NAV2: variants seen among roughly 807,000 people sequenced by gnomAD.
NAV2 encodes neuron navigator 2.
In NAV2, 54 loss-of-function variants were observed where a neutral mutation model predicts 223.2. The observed-to-expected ratio is 0.24, with a 90% confidence interval of 0.19 to 0.30. NAV2 has a LOEUF of 0.30. Among genes scored for constraint, NAV2 ranks in the 10% least tolerant of loss-of-function variants. The probability of loss-of-function intolerance (pLI) is 1.00; values close to 1 mark genes in which losing one functional copy is unlikely to be tolerated. For missense variants in NAV2, 2,806 were observed against 3,147.5 expected (o/e 0.89, Z 2.60); for synonymous variants, 1,279 against 1,239.3 (o/e 1.03, Z -0.67).
chr11:19,961,035 CT>C (rs2048318620), intron 10 of NAV2, among the ~76,000 whole-genome samples: 3 of 152,166 alleles, frequency 2.0e-5, no homozygotes, highest in Admixed American at 2.0e-4. Flanking sequence ...CTGAGCCCCC[CT>C]GTTTTTCCTG....
intron 1 of NAV2, among the ~76,000 whole-genome samples, chr11:19,603,643 A>AG (rs972879859): frequency 6.6e-6 from 1 of 151,004 alleles, no homozygotes; most frequent in African/African-American, 2.5e-5. Context: ...AAAAAAAAAA[A>AG]AAAAAAGAAA....
chr11:19,961,379 C>T (rs911850266), intron 10 of NAV2, among the ~76,000 whole-genome samples: 4 of 152,080 alleles, frequency 2.6e-5, no homozygotes, highest in South Asian at 2.1e-4. Context: ...ATACCAAGTT[C>T]GAGTTGAGGT....
intron 1 of NAV2, among the ~76,000 whole-genome samples, chr11:19,563,591 G>T (rs2045171564): frequency 6.6e-6 from 1 of 152,192 alleles, no homozygotes; most frequent in Admixed American, 6.5e-5. Context: ...TCACCAATGT[G>T]CTTGTTAAAA....
chr11:19,358,075 T>A (rs375069548), intron 1 of NAV2, among the ~76,000 whole-genome samples: 1 of 152,180 alleles, frequency 6.6e-6, no homozygotes, highest in Admixed American at 6.5e-5. Flanking sequence ...GATTCTTCCA[T>A]GCCTGGGGTT....
intron 1 of NAV2, among the ~76,000 whole-genome samples, chr11:19,743,149 A>G (rs779386105): frequency 3.3e-5 from 5 of 152,150 alleles, no homozygotes; most frequent in Non-Finnish European, 7.4e-5. Flanking sequence ...CTTGTTTCTT[A>G]TCTAAAATGT....
chr11:19,670,421 C>A (rs1209201954), intron 1 of NAV2, among the ~76,000 whole-genome samples: 1 of 152,348 alleles, frequency 6.6e-6, no homozygotes, highest in African/African-American at 2.4e-5. Flanking sequence ...ACAAACAGTA[C>A]AGGCTCAACA....
At chr11:19,834,114 A>C (rs1222697328) in intron 2 of NAV2, among the ~76,000 whole-genome samples, 1 of 152,220 alleles carries the variant, frequency 6.6e-6, no homozygotes, top group Admixed American at 6.5e-5. Flanking sequence ...TGAATACCAA[A>C]GTGCAGGCAT....
Position 19,773,975 on chromosome 11 carries a change from G to A in NAV2, c.268-58509G>A, listed in dbSNP as rs1159475041. 2.6e-5 allele frequency among the ~76,000 whole-genome samples: 4 copies of A among 152,142 alleles called. No homozygotes were observed. The East Asian group carries it at 5.8e-4, about 22-fold the overall frequency. ...AATTAAGAATAGAGTGTCCTTTACA[G>A]CAATCTTGCTTGTCCCAGCCTACCA... is the stretch of plus-strand genomic sequence containing the variant. On this transcript the variant is annotated intron_variant, in intron 1 of 37. Transcript: ENST00000349880.
chr11:20,082,527 T>TC, intron 25 of NAV2: 1 of 1,560,110 alleles, frequency 6.4e-7, no homozygotes, highest in East Asian at 2.2e-5. Flanking sequence ...TCACTGGCTT[T>TC]CTCTGTTAAA....
At chr11:20,067,644 ATTTTTTT>A (rs11371990) in intron 20 of NAV2, among the ~76,000 whole-genome samples, 1 of 129,264 alleles carries the variant, frequency 7.7e-6, no homozygotes, top group Non-Finnish European at 1.6e-5. Context: ...CACCCGGCTA[ATTTTTTT>A]TTTTTTTTTT....
chr11:19,903,801 A>G (rs572943606), intron 6 of NAV2, among the ~76,000 whole-genome samples: 78 of 152,186 alleles, frequency 5.1e-4, no homozygotes, highest in African/African-American at 1.6e-3. Flanking sequence ...GAGGATAATA[A>G]CTTGCAGACT....
chr11:20,106,183 GTATATATATATATATATATA>G lies in NAV2; in HGVS notation c.6841+484_6841+503del, dbSNP rs1182631250. Among the ~76,000 whole-genome samples, 62 of 25,536 alleles carry G rather than the reference GTATATATATATATATATATA, an allele frequency of 2.4e-3. 5 individuals carry two copies. The highest frequency in any genetic ancestry group is 9.8e-3 in the East Asian group (9 of 922). 16.8% of individuals were successfully genotyped at this position (25,536 alleles called of 152,430 possible). A position where few individuals can be genotyped will look rare whatever the true frequency, so the allele number is the denominator to read the frequency against. On this transcript the variant is annotated intron_variant, in intron 35 of 37. Coordinates refer to ENST00000349880, the MANE Select transcript of NAV2 (RefSeq NM_145117.5). ...TATATATATATATATATATGTGTGT[GTATATATATATATATATATA>G]TATATATATATATATATATATATAT...
chr11:19,552,897 G>A lies in NAV2; in HGVS notation c.75+201870G>A, dbSNP rs527251319. On this transcript the variant is annotated intron_variant, in intron 1 of 37. Transcript: ENST00000360655. ...AGAGAGTGTGTGTGAGTGTGTGTGG[G>A]GGGGAAGGGGGGGAGCTGGATGGGA... Among the ~76,000 whole-genome samples the A allele has an allele frequency of 3.3e-5, 5 of 151,974 alleles. No individual in the cohort carries two copies. In the South Asian group the frequency reaches 1.0e-3, roughly 32 times the overall value.
intron 20 of NAV2, among the ~76,000 whole-genome samples, chr11:20,063,617 C>T (rs535185853): frequency 5.1e-4 from 78 of 152,214 alleles, no homozygotes; most frequent in African/African-American, 1.7e-3. Context: ...TCAAGTGATC[C>T]GCCCATCTCA....
intron 1 of NAV2, among the ~76,000 whole-genome samples, chr11:19,600,219 C>A (rs746915273): frequency 6.6e-6 from 1 of 152,172 alleles, no homozygotes; most frequent in Non-Finnish European, 1.5e-5. Context: ...ACTCATCTGC[C>A]TCATTGGGTG....
chr11:19,998,717 C>T lies in NAV2; in HGVS notation c.2768+14470C>T, dbSNP rs750284135. On this transcript the variant is annotated intron_variant, in intron 11 of 37. Transcript: ENST00000349880. This position sits in a 1 kb window ranked among gnomAD's most constrained non-coding sequence, Gnocchi z 5.0. ...ATAGACTGTGCTTCCCCCCCTCTCT[C>T]CTTTTCTCCTTATAAGCCTGGCTTA... Among the ~76,000 whole-genome samples the T allele has an allele frequency of 2.0e-4, 30 of 152,132 alleles. No homozygotes were observed. Among genetic ancestry groups the T allele is most frequent in the Admixed American group, 5.9e-4 (9 of 15,274 alleles).
chr11:19,526,269 C>T (rs2043839522), intron 1 of NAV2, among the ~76,000 whole-genome samples: 1 of 152,186 alleles, frequency 6.6e-6, no homozygotes, highest in African/African-American at 2.4e-5. Flanking sequence ...TTCTTCTCCC[C>T]TGCAGTGAAA....
At chr11:19,889,614 T>C (rs1266279647) in intron 5 of NAV2, among the ~76,000 whole-genome samples, 2 of 152,186 alleles carry the variant, frequency 1.3e-5, no homozygotes, top group African/African-American at 4.8e-5. Context: ...CTTGGCACAA[T>C]GCTGCAGCCA....
chr11:19,419,601 T>C (rs945371896), intron 1 of NAV2, among the ~76,000 whole-genome samples: 1 of 152,188 alleles, frequency 6.6e-6, no homozygotes, highest in African/African-American at 2.4e-5. Context: ...TCCAAATTCT[T>C]TTCATTTCCT....
Sources: gnomAD v4.1 joint callset for allele counts (sites outside exome capture counted in the v4.1 genomes callset) on GRCh38, gnomAD v4.1.1 for gene constraint, Gnocchi (gnomAD v3.1) non-coding constraint, MANE v1.5 for transcripts, NCBI Gene and HGNC (gene_info 2026-07-23, HGNC 2026-07-21) for gene names.